PCCA: variants seen among roughly 807,000 people sequenced by gnomAD.
PCCA encodes the protein propionyl-CoA carboxylase alpha chain, mitochondrial.
Under a neutral mutation model 101.3 loss-of-function variants are expected in PCCA, and 74 were observed. The ratio of observed to expected loss-of-function variants is 0.73; its 90% CI spans 0.61 to 0.89. The LOEUF is 0.89. Ranked by LOEUF, PCCA falls within the 40% of genes least tolerant of loss-of-function variation. The pLI is 0.00. For missense variants in PCCA, 891 were observed against 907.0 expected, an observed-to-expected ratio of 0.98 and a Z score of 0.23; for synonymous variants, 294 against 313.6, an observed-to-expected ratio of 0.94 and a Z score of 0.66.
rs144185454 is a variant in PCCA, at chr13:100,138,456, G to A, written c.301-16523G>A. Among the ~76,000 whole-genome samples, 230 of 152,202 alleles carry A rather than the reference G, an allele frequency of 1.5e-3. 2 individuals are homozygous for A. Among genetic ancestry groups the A allele is most frequent in the Middle Eastern group, 0.01 (3 of 294 alleles). On this transcript the variant is annotated intron_variant, in intron 4 of 23. Transcript: ENST00000376285. ...TGCATTGAAAACCCCATCAGACAATGTTAAAATTTTTGCTTTCAACAGTTA... is the reference window on the plus strand; with the variant it reads ...TGCATTGAAAACCCCATCAGACAATATTAAAATTTTTGCTTTCAACAGTTA...
chr13:100,321,028 G>C (rs1310688715), intron 16 of PCCA, among the ~76,000 whole-genome samples: 2 of 131,656 alleles, frequency 1.5e-5, no homozygotes, highest in Non-Finnish European at 3.5e-5. Context: ...TTACAGGTGT[G>C]AGCTAAATTC....
At chr13:100,409,689 A>G (rs2077911368) in intron 19 of PCCA, among the ~76,000 whole-genome samples, 1 of 152,200 alleles carries the variant, frequency 6.6e-6, no homozygotes, top group Non-Finnish European at 1.5e-5. Flanking sequence ...ATTACAGTTC[A>G]ACATGAGATT....
At chr13:100,152,550 C>T (rs2053461552) in intron 4 of PCCA, among the ~76,000 whole-genome samples, 1 of 151,942 alleles carries the variant, frequency 6.6e-6, no homozygotes, top group Non-Finnish European at 1.5e-5. Flanking sequence ...GGGTTCACGC[C>T]ATTCTCCTGC....
intron 19 of PCCA, among the ~76,000 whole-genome samples, chr13:100,379,624 A>G (rs1012286260): frequency 3.9e-5 from 6 of 152,194 alleles, no homozygotes; most frequent in African/African-American, 7.2e-5. Context: ...ACAGTTCCAT[A>G]TGGCTGGGGA....
At chr13:100,196,850 A>T (rs949872498) in intron 6 of PCCA, among the ~76,000 whole-genome samples, 2 of 152,192 alleles carry the variant, frequency 1.3e-5, no homozygotes, top group African/African-American at 4.8e-5. Context: ...TTATGTTCTT[A>T]TCCTAATGAA....
intron 1 of PCCA, among the ~76,000 whole-genome samples, chr13:100,091,229 C>G (rs1237463712): frequency 5.3e-5 from 8 of 152,206 alleles, no homozygotes; most frequent in African/African-American, 1.9e-4. Flanking sequence ...ATGACACTGA[C>G]ATTTTAGATT....
chr13:100,209,071 G>A (rs899879413), intron 6 of PCCA, among the ~76,000 whole-genome samples: 1 of 152,078 alleles, frequency 6.6e-6, no homozygotes, highest in African/African-American at 2.4e-5. Flanking sequence ...GTGTCATAGA[G>A]TGACTTTTCC....
intron 18 of PCCA, 100 bp downstream of exon 18, chr13:100,340,359 T>C: frequency 1.3e-6 from 1 of 742,938 alleles, no homozygotes; most frequent in South Asian, 1.4e-5. Context: ...ATCTCAGTTC[T>C]AGAGATCTTA....
In PCCA at chr13:100,480,340, C is replaced by G. The variant is rs373039770; in HGVS notation, c.1899+31035C>G. ...TGCAAGATCTTCACCACCAGACCTT[C>G]ATGATAGTCACCTCCTCATTAGGCT... On this transcript the variant is annotated intron_variant, in intron 21 of 23. Transcript: ENST00000376285. 1.9e-4 allele frequency: 29 copies of G among 152,336 alleles called. No homozygotes were observed. The East Asian group carries it at 4.6e-3, about 24-fold the overall frequency. 9.4% of individuals were successfully genotyped at this position (152,336 alleles called of 1,614,324 possible).
intron 16 of PCCA, among the ~76,000 whole-genome samples, chr13:100,314,423 G>A (rs2067170110): frequency 1.3e-5 from 2 of 152,096 alleles, no homozygotes; most frequent in South Asian, 2.1e-4. Context: ...CTATCAATCT[G>A]CCATTAGTGA....
At chr13:100,281,741 A>G (rs1233125929) in intron 12 of PCCA, among the ~76,000 whole-genome samples, 1 of 152,110 alleles carries the variant, frequency 6.6e-6, no homozygotes, top group East Asian at 1.9e-4. Flanking sequence ...AATTTAAAGC[A>G]TTATCTTTTT....
intron 10 of PCCA, among the ~76,000 whole-genome samples, chr13:100,263,726 T>C (rs1364924841): frequency 1.3e-5 from 2 of 152,060 alleles, no homozygotes; most frequent in African/African-American, 4.8e-5. Context: ...GTTTTTTGCC[T>C]TTTTAAAAAG....
intron 19 of PCCA, among the ~76,000 whole-genome samples, chr13:100,376,019 G>T (rs549455484): frequency 1.3e-5 from 2 of 152,308 alleles, no homozygotes; most frequent in African/African-American, 4.8e-5. Flanking sequence ...TTCGGATGGG[G>T]TTTTTGTGTG....
chr13:100,157,456 CT>C, intron 6 of PCCA, 116 bp downstream of exon 6: 1 of 726,122 alleles, frequency 1.4e-6, no homozygotes, highest in South Asian at 1.6e-5. Context: ...CCCAGCAGTT[CT>C]TTGAAAATTG....
At chr13:100,205,876 G>A (rs976348246) in intron 6 of PCCA, among the ~76,000 whole-genome samples, 1 of 152,096 alleles carries the variant, frequency 6.6e-6, no homozygotes, top group Non-Finnish European at 1.5e-5. Context: ...TCTTTACTTA[G>A]TGTTTAGTGG....
chr13:100,125,608 A>G (rs917207302), intron 4 of PCCA, among the ~76,000 whole-genome samples: 3 of 152,250 alleles, frequency 2.0e-5, no homozygotes, highest in African/African-American at 7.2e-5. Context: ...TAAGAATACA[A>G]TGTACCTACT....
chr13:100,501,301 GA>G (rs1390141270), intron 21 of PCCA, among the ~76,000 whole-genome samples: 1 of 152,168 alleles, frequency 6.6e-6, no homozygotes, highest in Non-Finnish European at 1.5e-5. Flanking sequence ...AAGGCTTTTA[GA>G]TATTCATCAC....
chr13:100,225,168 ATAAAG>A (rs2060080013), intron 7 of PCCA, among the ~76,000 whole-genome samples: 1 of 152,236 alleles, frequency 6.6e-6, no homozygotes, highest in Admixed American at 6.5e-5. Context: ...GACCCCTAAA[ATAAAG>A]TATTGTATGC....
intron 19 of PCCA, among the ~76,000 whole-genome samples, chr13:100,404,589 T>C (rs2077561887): frequency 6.6e-6 from 1 of 152,118 alleles, no homozygotes; most frequent in African/African-American, 2.4e-5. Context: ...TTCCCTTCTC[T>C]TCCTAGCAGA....
Sources: allele counts gnomAD v4.1 joint callset (sites outside exome capture counted in the v4.1 genomes callset), GRCh38; gene constraint gnomAD v4.1.1; transcripts MANE v1.5; gene names NCBI Gene and HGNC (gene_info 2026-07-23, HGNC 2026-07-21).